SDK1: variants seen among roughly 807,000 people sequenced by gnomAD.
SDK1 encodes the protein protein sidekick-1.
In SDK1, 157 loss-of-function variants were observed where a neutral mutation model predicts 245.5. The observed-to-expected ratio is 0.64, with a 90% confidence interval of 0.56 to 0.73. The LOEUF (loss-of-function observed/expected upper bound fraction) is 0.73. SDK1 is among the 30% of genes least tolerant of loss of function. SDK1 has a pLI of 0.00. For missense variants in SDK1, 3,583 were observed against 3,002.3 expected (o/e 1.19, Z -4.52); for synonymous variants, 1,647 against 1,278.5 (o/e 1.29, Z -6.15).
intron 5 of SDK1, among the ~76,000 whole-genome samples, chr7:3,927,606 C>G (rs1291850848): frequency 6.6e-6 from 1 of 152,178 alleles, no homozygotes; most frequent in Admixed American, 6.5e-5. Context: ...GGGTGATGGT[C>G]CACCATGGCT....
chr7:3,377,386 C>T (rs1781380263), intron 1 of SDK1, among the ~76,000 whole-genome samples: 1 of 152,146 alleles, frequency 6.6e-6, no homozygotes, highest in Admixed American at 6.5e-5. Flanking sequence ...ATTCCAGCTG[C>T]CCCCTGCGCT....
At chr7:3,837,607 G>A (rs1019536255) in intron 5 of SDK1, among the ~76,000 whole-genome samples, 2 of 152,156 alleles carry the variant, frequency 1.3e-5, no homozygotes, top group African/African-American at 2.4e-5. Flanking sequence ...AAATGTTTCT[G>A]AATCTTGGCC....
intron 1 of SDK1, among the ~76,000 whole-genome samples, chr7:3,314,617 A>G (rs532543910): frequency 6.6e-6 from 1 of 152,312 alleles, no homozygotes; most frequent in African/African-American, 2.4e-5. Context: ...AAAATTACTT[A>G]TATCTGTATC....
chr7:3,500,136 C>A (rs1338078384), intron 1 of SDK1, among the ~76,000 whole-genome samples: 4 of 152,112 alleles, frequency 2.6e-5, no homozygotes, highest in Non-Finnish European at 5.9e-5. Context: ...CTCAACTTGT[C>A]TATCGAGTCA....
intron 28 of SDK1, among the ~76,000 whole-genome samples, chr7:4,142,699 G>A (rs1489621900): frequency 1.3e-5 from 2 of 152,128 alleles, no homozygotes; most frequent in Non-Finnish European, 2.9e-5. Flanking sequence ...TTGACCTCAA[G>A]TGATCCACCC....
At chr7:3,751,104 TG>T (rs1166851575) in intron 4 of SDK1, among the ~76,000 whole-genome samples, 1 of 152,192 alleles carries the variant, frequency 6.6e-6, no homozygotes, top group Non-Finnish European at 1.5e-5. Context: ...TTCTTGCTGT[TG>T]TTGGTCCCAC....
At chr7:3,989,169 G>T (rs1784101423) in intron 14 of SDK1, among the ~76,000 whole-genome samples, 1 of 152,230 alleles carries the variant, frequency 6.6e-6, no homozygotes, top group Non-Finnish European at 1.5e-5. Flanking sequence ...ATTTACAGAG[G>T]AAAGAGGTTT....
At chr7:3,649,074 G>T (rs1040486735) in intron 4 of SDK1, among the ~76,000 whole-genome samples, 6 of 152,198 alleles carry the variant, frequency 3.9e-5, no homozygotes, top group Admixed American at 2.0e-4. Context: ...GCTTGCCAGG[G>T]ACAGAAAGGG....
chr7:3,597,916 G>C (rs976318674), intron 1 of SDK1, among the ~76,000 whole-genome samples: 1 of 151,828 alleles, frequency 6.6e-6, no homozygotes, highest in African/African-American at 2.4e-5. Flanking sequence ...AAAATTACTC[G>C]TGTGGATGTA....
intron 4 of SDK1, among the ~76,000 whole-genome samples, chr7:3,659,514 G>T (rs891856): frequency 0.28 from 43,093 of 152,032 alleles, 6,353 homozygotes; most frequent in South Asian, 0.45. Flanking sequence ...CAGAGAGCCT[G>T]GTGTGTTCCA....
At chr7:3,499,761 C>T (rs1782138840) in intron 1 of SDK1, among the ~76,000 whole-genome samples, 1 of 152,154 alleles carries the variant, frequency 6.6e-6, no homozygotes, top group Non-Finnish European at 1.5e-5. Flanking sequence ...TTACCAAAGC[C>T]CCTTCTGTGG....
chr7:3,636,562 T>C (rs1348418887), intron 2 of SDK1, among the ~76,000 whole-genome samples: 1 of 152,240 alleles, frequency 6.6e-6, no homozygotes, highest in Non-Finnish European at 1.5e-5. Context: ...GACTGAATAA[T>C]ATTCCATCGT....
chr7:4,259,731 A>G (rs1214616653), intron 44 of SDK1, among the ~76,000 whole-genome samples: 1 of 152,218 alleles, frequency 6.6e-6, no homozygotes, highest in African/African-American at 2.4e-5. Context: ...GAGTTATAAA[A>G]AAACCTTTTG....
chr7:3,503,880 G>C (rs552693289), intron 1 of SDK1, among the ~76,000 whole-genome samples: 1 of 152,202 alleles, frequency 6.6e-6, no homozygotes, highest in African/African-American at 2.4e-5. Flanking sequence ...GGCAAGGCAT[G>C]GTGGCTCATG....
intron 30 of SDK1, among the ~76,000 whole-genome samples, chr7:4,156,662 G>C (rs1295943698): frequency 3.9e-5 from 6 of 152,160 alleles, no homozygotes; most frequent in East Asian, 1.9e-4. Flanking sequence ...TTCCAAAAAT[G>C]GTTATCAGTT....
intron 4 of SDK1, among the ~76,000 whole-genome samples, chr7:3,658,326 T>A (rs1194372230): frequency 6.6e-6 from 1 of 152,156 alleles, no homozygotes; most frequent in East Asian, 1.9e-4. Flanking sequence ...GCCCCTAATA[T>A]CGAGGTCATC....
intron 4 of SDK1, among the ~76,000 whole-genome samples, chr7:3,687,332 T>A (rs1031257461): frequency 6.6e-6 from 1 of 152,084 alleles, no homozygotes; most frequent in Admixed American, 6.5e-5. Flanking sequence ...TTTCACTATG[T>A]TGGCCAGGAT....
intron 1 of SDK1, among the ~76,000 whole-genome samples, chr7:3,562,442 A>G (rs150636807): frequency 7.2e-5 from 11 of 152,292 alleles, no homozygotes; most frequent in Admixed American, 2.6e-4. Flanking sequence ...CATGTTAGCT[A>G]TTGAGAAAGA....
intron 38 of SDK1, among the ~76,000 whole-genome samples, chr7:4,210,534 T>C (rs548531476): frequency 3.3e-5 from 5 of 152,256 alleles, no homozygotes; most frequent in African/African-American, 1.2e-4. Context: ...CACCCAGGGT[T>C]CCACTTGAAG....
Sources: allele counts gnomAD v4.1 joint callset (sites outside exome capture counted in the v4.1 genomes callset), GRCh38; gene constraint gnomAD v4.1.1; transcripts MANE v1.5; gene names NCBI Gene and HGNC (gene_info 2026-07-23, HGNC 2026-07-21).